Variants in MAP2 observed in about 807,000 individuals in gnomAD.
MAP2 encodes microtubule associated protein 2, also known as microtubule-associated protein 2.
Under a neutral mutation model 137.6 loss-of-function variants are expected in MAP2, and 14 were observed. The observed-to-expected ratio is 0.10, with a 90% CI of 0.07 to 0.16. MAP2 has a LOEUF of 0.16. Ranked by LOEUF, MAP2 falls within the 10% of genes least tolerant of loss-of-function variation. The pLI is 1.00. For missense variants in MAP2, 2,088 were observed against 2,191.5 expected, an observed-to-expected ratio of 0.95 and a Z score of 0.94; for synonymous variants, 786 against 782.3, an observed-to-expected ratio of 1.00 and a Z score of -0.08.
intron 3 of MAP2, among the ~76,000 whole-genome samples, chr2:209,597,899 T>C (rs1277872327): frequency 5.3e-5 from 8 of 152,186 alleles, no homozygotes; most frequent in Non-Finnish European, 1.2e-4. Context: ...TTGACCATTA[T>C]ATACTTTCAG....
At chr2:209,623,435 T>C (rs1046848699) in intron 3 of MAP2, among the ~76,000 whole-genome samples, 2 of 152,336 alleles carry the variant, frequency 1.3e-5, no homozygotes, top group East Asian at 3.9e-4. Flanking sequence ...CATATGTGCT[T>C]ACTTAAAAAT....
At chr2:209,609,229 CT>C (rs770836308) in intron 3 of MAP2, among the ~76,000 whole-genome samples, 17 of 151,924 alleles carry the variant, frequency 1.1e-4, no homozygotes, top group Admixed American at 5.2e-4. Context: ...TGAAAAAAAT[CT>C]TAAATTTCAA....
At chr2:209,530,067 A>G (rs1348708157) in intron 2 of MAP2, among the ~76,000 whole-genome samples, 1 of 152,134 alleles carries the variant, frequency 6.6e-6, no homozygotes, top group Non-Finnish European at 1.5e-5. Flanking sequence ...GTGCTCCATT[A>G]TCATCAGGGA....
chr2:209,573,160 G>C lies in MAP2; in HGVS notation c.-171-6876G>C, dbSNP rs539828518. ...CTAACAATTTGTAATAATCTGGAAG[G>C]TGCCATGGATTGAATTATAAACTTG... On this transcript the variant is annotated intron_variant, in intron 2 of 15. Transcript: ENST00000682079. Among the ~76,000 whole-genome samples the C allele has an allele frequency of 4.6e-5, 7 of 152,232 alleles. No individual in the cohort carries two copies. In the South Asian group the frequency reaches 1.2e-3, roughly 27 times the overall value.
At chr2:209,586,724 G>A (rs1046970891) in intron 3 of MAP2, among the ~76,000 whole-genome samples, 1 of 152,182 alleles carries the variant, frequency 6.6e-6, no homozygotes, top group Admixed American at 6.6e-5. Flanking sequence ...TAGGTCTAAA[G>A]AGGGGCCTGA....
chr2:209,531,143 T>C (rs2065052112), intron 2 of MAP2, among the ~76,000 whole-genome samples: 1 of 152,074 alleles, frequency 6.6e-6, no homozygotes, highest in African/African-American at 2.4e-5. Context: ...TTCAGTGACA[T>C]GATAGATGGG....
chr2:209,502,987 C>T (rs1261558469), intron 1 of MAP2, among the ~76,000 whole-genome samples: 1 of 142,834 alleles, frequency 7.0e-6, no homozygotes, highest in African/African-American at 2.5e-5. Context: ...TTATATATTT[C>T]GGATTTTTTT....
chr2:209,597,250 A>G (rs983581001), intron 3 of MAP2, among the ~76,000 whole-genome samples: 1 of 152,182 alleles, frequency 6.6e-6, no homozygotes, highest in Non-Finnish European at 1.5e-5. Context: ...ACTTACAGCC[A>G]AACTTAATCA....
intron 3 of MAP2, among the ~76,000 whole-genome samples, chr2:209,617,367 A>T (rs1209607135): frequency 6.6e-6 from 1 of 152,320 alleles, no homozygotes; most frequent in South Asian, 2.1e-4. Context: ...ATTCTTGCCA[A>T]ACCTACCTAA....
chr2:209,637,304 G>A (rs572574606), intron 4 of MAP2, among the ~76,000 whole-genome samples: 4 of 152,066 alleles, frequency 2.6e-5, no homozygotes, highest in South Asian at 4.2e-4. Flanking sequence ...TTAGCTGGGC[G>A]TGGTGGCAGG....
At chr2:209,679,089 GT>G (rs1485007419) in intron 6 of MAP2, among the ~76,000 whole-genome samples, 1 of 152,012 alleles carries the variant, frequency 6.6e-6, no homozygotes, top group Non-Finnish European at 1.5e-5. Context: ...CTGTAGCCTT[GT>G]TTGGGTCTTC....
intron 12 of MAP2, among the ~76,000 whole-genome samples, 165 bp from the exon 13 acceptor site, chr2:209,709,749 A>G (rs565536562): frequency 6.6e-6 from 1 of 152,250 alleles, no homozygotes; most frequent in South Asian, 2.1e-4. Flanking sequence ...TATGCACCTG[A>G]TTTCAGAAAC....
At chr2:209,465,862 T>C (rs1402536995) in intron 1 of MAP2, among the ~76,000 whole-genome samples, 1 of 152,176 alleles carries the variant, frequency 6.6e-6, no homozygotes, top group African/African-American at 2.4e-5. Context: ...GTACTTCATT[T>C]TCCAAAAGCA....
chr2:209,617,145 C>A (rs1021731535), intron 3 of MAP2, among the ~76,000 whole-genome samples: 3 of 151,986 alleles, frequency 2.0e-5, no homozygotes, highest in African/African-American at 7.2e-5. Flanking sequence ...GTTTCTATGA[C>A]CCACCTTAAG....
chr2:209,635,369 A>G (rs2093459589), intron 4 of MAP2, among the ~76,000 whole-genome samples: 1 of 152,198 alleles, frequency 6.6e-6, no homozygotes, highest in African/African-American at 2.4e-5. Context: ...TTTGTACTGA[A>G]GAAGGATATA....
chr2:209,619,320 A>G (rs2090463330), intron 3 of MAP2, among the ~76,000 whole-genome samples: 2 of 152,184 alleles, frequency 1.3e-5, no homozygotes, highest in Non-Finnish European at 2.9e-5. Context: ...GAAGTAATAC[A>G]TATGATATCA....
intron 1 of MAP2, among the ~76,000 whole-genome samples, chr2:209,506,575 T>A (rs1280487724): frequency 2.0e-5 from 3 of 152,218 alleles, no homozygotes; most frequent in Non-Finnish European, 4.4e-5. Flanking sequence ...TTGTTTACTA[T>A]CTGTTCAAGA....
intron 5 of MAP2, among the ~76,000 whole-genome samples, chr2:209,671,826 A>C (rs2048959607): frequency 2.0e-5 from 3 of 151,870 alleles, no homozygotes; most frequent in South Asian, 4.1e-4. Context: ...TTGCACGTTC[A>C]AGTAATCATA....
Position 209,695,030 on chromosome 2 carries a change from A to G in MAP2, c.2860A>G (p.Lys954Glu), listed in dbSNP as rs2059841543. The change falls in exon 8 of 16, where the codon AAG (lysine) becomes GAG (glutamate). Residue 954 changes from lysine (K) to glutamate (E), a missense_variant. Around this residue, in one of 6 missense-constraint regions of MAP2, gnomAD observed 500 missense variants for 482.9 expected, o/e 1.04. Coordinates refer to ENST00000682079, the MANE Select transcript of MAP2 (RefSeq NM_001375505.1). The stretch of plus-strand genomic sequence containing the variant: ...ACTGAGTAAGGAGTTTGACCAAGAG[A>G]AGAAAGCTAATGATAGGTTGGATAC... ...SGLSKEFDQE[K>E]KANDRLDTVL... The G allele has an allele frequency of 6.2e-7, 1 of 1,614,138 alleles. No individual in the cohort carries two copies.
Sources: gnomAD v4.1 joint callset for allele counts (sites outside exome capture counted in the v4.1 genomes callset) on GRCh38, gnomAD v4.1.1 for gene constraint, gnomAD v4.1.1 regional missense constraint, MANE v1.5 for transcripts, NCBI Gene and HGNC (gene_info 2026-07-23, HGNC 2026-07-21) for gene names.